The following ALDH1A2 variants were observed in gnomAD, a reference collection of about 807,000 sequenced individuals.
ALDH1A2 encodes the protein retinal dehydrogenase 2.
ALDH1A2 carries 27 observed loss-of-function variants against 60.3 expected under a neutral mutation model. That is an observed-to-expected ratio of 0.45 (90% confidence interval 0.33 to 0.62). The LOEUF (loss-of-function observed/expected upper bound fraction) is 0.62, where lower values mean the gene tolerates loss of function less well. Ranked by LOEUF, ALDH1A2 falls within the 20% of genes least tolerant of loss-of-function variation. The probability of loss-of-function intolerance (pLI) is 0.02; values close to 1 mark genes in which losing one functional copy is unlikely to be tolerated. For missense variants in ALDH1A2, 581 were observed against 643.8 expected, an observed-to-expected ratio of 0.90 and a Z score of 1.06; for synonymous variants, 289 against 232.4, an observed-to-expected ratio of 1.24 and a Z score of -2.21.
At chr15:58,025,293 C>G (rs554092478) in intron 1 of ALDH1A2, among the ~76,000 whole-genome samples, 1 of 152,150 alleles carries the variant, frequency 6.6e-6, no homozygotes, top group African/African-American at 2.4e-5. Flanking sequence ...GCTACCTAGA[C>G]TAACCTAAAA....
At chr15:58,036,737 T>C (rs1399160105) in intron 1 of ALDH1A2, 1 of 151,664 alleles carries the variant, frequency 6.6e-6, no homozygotes, top group African/African-American at 2.4e-5. Flanking sequence ...AAGATTACTC[T>C]AAGGAAAGTT....
intron 1 of ALDH1A2, among the ~76,000 whole-genome samples, chr15:58,057,782 T>TATA (rs1444661853): frequency 1.3e-5 from 2 of 152,146 alleles, no homozygotes; most frequent in African/African-American, 4.8e-5. Flanking sequence ...GCCACACCTA[T>TATA]ATATCTTTCT....
chr15:57,965,108 G>A (rs1340926756), intron 8 of ALDH1A2, among the ~76,000 whole-genome samples: 2 of 152,236 alleles, frequency 1.3e-5, no homozygotes, highest in Middle Eastern at 3.4e-3. Context: ...AATGGCCTAG[G>A]TGGCATCCTT....
rs1170764419 is a variant in ALDH1A2, at chr15:58,065,581, G to A, written c.70C>T (p.His24Tyr). 6.2e-7 allele frequency: 1 copy of A among 1,613,374 alleles called. No individual in the cohort carries two copies. The highest frequency in any genetic ancestry group is 2.2e-5 in the East Asian group (1 of 44,814). ...TTGGGCGTGGGCGACGGCAGGAGGT[G>A]CAGCGACGCCATGAGGGCGGCGGGG... is the stretch of plus-strand genomic sequence containing the variant. ...ADPAALMASL[H>Y]LLPSPTPNLE... The change falls in exon 1 of 13, where the codon CAC becomes TAC. Residue 24 changes from histidine to tyrosine, a missense_variant. By Grantham distance (83) the His-to-Tyr change is moderately conservative (BLOSUM62 2). Coordinates refer to ENST00000249750, the MANE Select transcript of ALDH1A2 (RefSeq NM_003888.4).
chr15:58,019,836 T>C (rs1376521724), intron 1 of ALDH1A2, among the ~76,000 whole-genome samples: 2 of 152,316 alleles, frequency 1.3e-5, no homozygotes, highest in Admixed American at 1.3e-4. Context: ...TTAAATGTTA[T>C]TTAAGTTCTG....
chr15:57,955,135 C>G lies in ALDH1A2; in HGVS notation c.*62G>C. ...ACTTTGTATTCCTGAGAGCTGGGCC[C>G]TACAGAGAAAGCAGAGAGGGACAGA... is the stretch of plus-strand genomic sequence containing the variant. On this transcript the variant is annotated 3_prime_UTR_variant, in exon 13 of 13. Coordinates refer to ENST00000249750, the MANE Select transcript of ALDH1A2 (RefSeq NM_003888.4). The G allele has an allele frequency of 3.9e-6, 6 of 1,521,558 alleles. No individual in the cohort carries two copies. The allele number at this position is 1,521,558 out of a possible 1,614,324, so 94.3% of individuals were successfully genotyped here.
At chr15:58,050,059 T>A (rs1485059891) in intron 1 of ALDH1A2, among the ~76,000 whole-genome samples, 1 of 152,050 alleles carries the variant, frequency 6.6e-6, no homozygotes, top group African/African-American at 2.4e-5. Flanking sequence ...GGTCCCCATT[T>A]GAAAAAGCAC....
intron 1 of ALDH1A2, among the ~76,000 whole-genome samples, chr15:58,037,071 C>T (rs1462118393): frequency 6.6e-6 from 1 of 151,568 alleles, no homozygotes; most frequent in Non-Finnish European, 1.5e-5. Flanking sequence ...CCCCTTCTAC[C>T]AAAAGCTCAA....
intron 4 of ALDH1A2, among the ~76,000 whole-genome samples, chr15:58,007,837 T>C (rs1161304598): frequency 2.0e-5 from 3 of 149,028 alleles, no homozygotes; most frequent in African/African-American, 7.4e-5. Context: ...AAAATGAAGC[T>C]GATGTTAAAT....
At chr15:58,043,957 G>C (rs1454028086) in intron 1 of ALDH1A2, among the ~76,000 whole-genome samples, 2 of 151,972 alleles carry the variant, frequency 1.3e-5, no homozygotes, top group African/African-American at 4.8e-5. Context: ...AAATAAACTT[G>C]TCAAAAGAAG....
At chr15:57,978,509 C>G (rs1894355612) in intron 7 of ALDH1A2, among the ~76,000 whole-genome samples, 1 of 152,238 alleles carries the variant, frequency 6.6e-6, no homozygotes, top group South Asian at 2.1e-4. Context: ...TATGTTGAAC[C>G]AGCCTTGCAT....
At chr15:57,972,601 G>GTTAA (rs1566933227) in intron 7 of ALDH1A2, among the ~76,000 whole-genome samples, 1 of 152,016 alleles carries the variant, frequency 6.6e-6, no homozygotes. Context: ...AGCATAGTTA[G>GTTAA]AGAATAAATC....
In ALDH1A2 at chr15:57,961,319, C is replaced by T. The variant is rs776558572; in HGVS notation, c.1252-25G>A. 3 of 1,611,852 alleles carry T rather than the reference C, an allele frequency of 1.9e-6. No individual in the cohort carries two copies. The South Asian group carries it at 3.3e-5, about 18-fold the overall frequency. ...TCTGCAAAAAGATAATATGACTCAA[C>T]ATGGTTGCTCTGTCATTCCTTTACC... On this transcript the variant is annotated intron_variant, in intron 10 of 12. Transcript: ENST00000249750.
chr15:57,990,333 A>G (rs574897975), intron 7 of ALDH1A2: 1 of 152,212 alleles, frequency 6.6e-6, no homozygotes, highest in Non-Finnish European at 1.5e-5. Context: ...ATATGTGTAT[A>G]CAGTTACAGA....
intron 1 of ALDH1A2, among the ~76,000 whole-genome samples, chr15:58,052,896 G>A (rs1482664629): frequency 1.3e-5 from 2 of 152,118 alleles, no homozygotes; most frequent in Non-Finnish European, 2.9e-5. Flanking sequence ...TTCTTTAAAG[G>A]AAGCACATGA....
intron 1 of ALDH1A2, among the ~76,000 whole-genome samples, chr15:58,026,520 A>T (rs538778872): frequency 6.6e-6 from 1 of 152,280 alleles, no homozygotes; most frequent in Non-Finnish European, 1.5e-5. Flanking sequence ...GACTGGTTCG[A>T]CAGTGGGTGC....
chr15:58,063,044 G>A (rs1474673610), intron 1 of ALDH1A2, among the ~76,000 whole-genome samples: 4 of 152,110 alleles, frequency 2.6e-5, no homozygotes, highest in Admixed American at 2.6e-4. Context: ...AGGAGGAGGA[G>A]GAAGTTGGAG....
At chr15:58,033,337 T>C (rs1595679835) in intron 1 of ALDH1A2, among the ~76,000 whole-genome samples, 1 of 151,978 alleles carries the variant, frequency 6.6e-6, no homozygotes, top group Non-Finnish European at 1.5e-5. Context: ...TTACCTTCTA[T>C]TTTCTCCTTT....
chr15:58,002,488 T>A lies in ALDH1A2; in HGVS notation c.494-7349A>T, dbSNP rs1230940192. On this transcript the variant is annotated intron_variant, in intron 4 of 12. Coordinates refer to ENST00000249750, the MANE Select transcript of ALDH1A2 (RefSeq NM_003888.4). Reference sequence around the variant, plus strand: ...AAAGAAACTGATGGAATTTTTAGTCTCATAAAAATATCTCGCATTGGCACA... The same window carrying A: ...AAAGAAACTGATGGAATTTTTAGTCACATAAAAATATCTCGCATTGGCACA... Among the ~76,000 whole-genome samples the A allele has an allele frequency of 2.6e-5, 4 of 152,070 alleles. No individual in the cohort carries two copies. In the East Asian group the frequency reaches 7.7e-4, roughly 29 times the overall value.
Sources: allele counts gnomAD v4.1 joint callset (sites outside exome capture counted in the v4.1 genomes callset), GRCh38; gene constraint gnomAD v4.1.1; transcripts MANE v1.5; gene names NCBI Gene and HGNC (gene_info 2026-07-23, HGNC 2026-07-21).